EYS: variants seen among roughly 807,000 people sequenced by gnomAD.
EYS encodes the protein protein eyes shut homolog.
Under a neutral mutation model 282.1 loss-of-function variants are expected in EYS, and 250 were observed. The ratio of observed to expected loss-of-function variants is 0.89; its 90% CI spans 0.80 to 0.98. EYS has a LOEUF of 0.98. Ranked by LOEUF, EYS falls within the 50% of genes least tolerant of loss-of-function variation. The pLI is 0.00. For synonymous variants in EYS, 1,355 were observed against 1,282.9 expected (o/e 1.06, Z -1.20); for missense variants, 4,016 against 3,709.0 (o/e 1.08, Z -2.15).
rs546216441 is a variant in EYS at position 65,443,381 on chromosome 6, G to T, written c.863-38014C>A. 4.3e-5 allele frequency among the ~76,000 whole-genome samples: 6 copies of T among 139,384 alleles called. 2 individuals are homozygous for T. The highest frequency in any genetic ancestry group is 2.3e-4 in the South Asian group (1 of 4,356). The allele number at this position is 139,384 out of a possible 152,430, so 91.4% of individuals were successfully genotyped here. A position where few individuals can be genotyped will look rare whatever the true frequency, so the allele number is the denominator to read the frequency against. The stretch of plus-strand genomic sequence containing the variant: ...ATGCATACATGTATGTACACATATA[G>T]ACATATATGCATACATGTATGTACA... On this transcript the variant is annotated intron_variant, in intron 5 of 42. Transcript: ENST00000503581.
At chr6:65,269,993 T>G (rs1182241589) in intron 12 of EYS, among the ~76,000 whole-genome samples, 1 of 152,110 alleles carries the variant, frequency 6.6e-6, no homozygotes, top group African/African-American at 2.4e-5. Context: ...GCCCCAAAAG[T>G]TAACTTACAC....
chr6:64,226,165 A>G (rs939066569), intron 31 of EYS, among the ~76,000 whole-genome samples: 1 of 147,402 alleles, frequency 6.8e-6, no homozygotes, highest in African/African-American at 2.4e-5. Flanking sequence ...TTTAAAGTTA[A>G]TAAATAAATT....
intron 33 of EYS, among the ~76,000 whole-genome samples, chr6:64,040,729 G>A (rs1277622972): frequency 1.3e-5 from 2 of 152,184 alleles, no homozygotes. Context: ...CTGCTCTAGA[G>A]CTGCAGTGAC....
At chr6:64,271,813 C>T (rs1293358033) in intron 30 of EYS, among the ~76,000 whole-genome samples, 4 of 151,886 alleles carry the variant, frequency 2.6e-5, no homozygotes, top group Non-Finnish European at 4.4e-5. Flanking sequence ...TGTGCTGATA[C>T]TAAATATTCC....
At chr6:64,521,377 A>G (rs1777728899) in intron 26 of EYS, among the ~76,000 whole-genome samples, 1 of 151,788 alleles carries the variant, frequency 6.6e-6, no homozygotes, top group African/African-American at 2.4e-5. Flanking sequence ...AAGCTTGCCC[A>G]GAAGTCACTG....
chr6:64,529,480 C>T (rs1320421911), intron 26 of EYS, among the ~76,000 whole-genome samples: 5 of 152,044 alleles, frequency 3.3e-5, no homozygotes, highest in African/African-American at 1.2e-4. Flanking sequence ...CATCCATATA[C>T]TCTAGTGGAG....
intron 12 of EYS, among the ~76,000 whole-genome samples, chr6:65,257,481 C>G (rs1322906355): frequency 1.4e-5 from 2 of 141,832 alleles, no homozygotes. Context: ...TTTCAGCTTT[C>G]TACATATGGC....
chr6:65,517,563 C>A (rs1405255345), intron 2 of EYS, among the ~76,000 whole-genome samples: 2 of 151,980 alleles, frequency 1.3e-5, no homozygotes, highest in East Asian at 3.9e-4. Context: ...ATTACATCCT[C>A]ATGAGGTCTA....
At chr6:64,698,240 A>G (rs1319122511) in intron 22 of EYS, among the ~76,000 whole-genome samples, 3 of 152,150 alleles carry the variant, frequency 2.0e-5, no homozygotes, top group African/African-American at 7.2e-5. Context: ...GAAATAGATT[A>G]TAAATTAACA....
intron 24 of EYS, among the ~76,000 whole-genome samples, chr6:64,593,921 T>TA (rs1341568489): frequency 3.9e-5 from 6 of 152,164 alleles, no homozygotes; most frequent in Non-Finnish European, 5.9e-5. Context: ...ACCAGAGAGA[T>TA]ACGTTTATAA....
intron 36 of EYS, among the ~76,000 whole-genome samples, chr6:63,851,924 G>A (rs1224205031): frequency 1.2e-4 from 18 of 152,194 alleles, no homozygotes; most frequent in African/African-American, 3.9e-4. Context: ...TTGGGAGGCC[G>A]AGGCGGGCAG....
chr6:64,484,056 C>T (rs1776513183), intron 26 of EYS, among the ~76,000 whole-genome samples: 1 of 151,588 alleles, frequency 6.6e-6, no homozygotes, highest in African/African-American at 2.4e-5. Flanking sequence ...AGATGTTCTT[C>T]AATTGACTTT....
chr6:65,278,594 CCA>C lies in EYS; in HGVS notation c.2023+17267_2023+17268del, dbSNP rs921828520. On this transcript the variant is annotated intron_variant, in intron 12 of 42. Transcript: ENST00000503581. ...TCAGTGTGGCATAAATGTATTCACC[CCA>C]GTTACTGATAGGGTTTTGTTTTTAA... is the stretch of plus-strand genomic sequence containing the variant. Among the ~76,000 whole-genome samples, 7 of 151,632 alleles carry C rather than the reference CCA, an allele frequency of 4.6e-5. 1 individual carries two copies. The highest frequency in any genetic ancestry group is 1.5e-4 in the African/African-American group (6 of 41,298).
chr6:63,829,962 C>G (rs941268209), intron 36 of EYS, among the ~76,000 whole-genome samples: 8 of 152,164 alleles, frequency 5.3e-5, no homozygotes, highest in South Asian at 4.1e-4. Context: ...GGTCTGGAGT[C>G]GACCTCCAGG....
intron 13 of EYS, among the ~76,000 whole-genome samples, chr6:65,027,595 C>T (rs1772460225): frequency 1.3e-5 from 2 of 152,194 alleles, no homozygotes; most frequent in Admixed American, 1.3e-4. Flanking sequence ...AACCACTGAT[C>T]TGCTGTCTGT....
chr6:63,742,035 G>A, intron 41 of EYS: 1 of 696,540 alleles, frequency 1.4e-6, no homozygotes, highest in Non-Finnish European at 2.6e-6. Context: ...TTTATCAGCA[G>A]TCTAATATCT....
At chr6:64,434,230 T>C (rs1774665363) in intron 28 of EYS, among the ~76,000 whole-genome samples, 1 of 152,148 alleles carries the variant, frequency 6.6e-6, no homozygotes, top group Admixed American at 6.6e-5. Context: ...ATCAAACCTG[T>C]TGTCATTTTG....
intron 13 of EYS, among the ~76,000 whole-genome samples, chr6:65,052,573 G>A (rs1447155177): frequency 6.6e-6 from 1 of 151,396 alleles, no homozygotes; most frequent in African/African-American, 2.4e-5. Context: ...TGTGGTATCC[G>A]AACATGGAAA....
intron 19 of EYS, among the ~76,000 whole-genome samples, chr6:64,831,592 T>C (rs1052498290): frequency 2.6e-5 from 4 of 151,932 alleles, no homozygotes; most frequent in African/African-American, 9.7e-5. Flanking sequence ...ATGATAATGA[T>C]GTTCATTTAA....
Sources: allele counts gnomAD v4.1 joint callset (sites outside exome capture counted in the v4.1 genomes callset), GRCh38; gene constraint gnomAD v4.1.1; transcripts MANE v1.5; gene names NCBI Gene and HGNC (gene_info 2026-07-23, HGNC 2026-07-21).